GPR107: variants seen among roughly 807,000 people sequenced by gnomAD.
The protein encoded by GPR107 is protein GPR107.
A neutral mutation model predicts 75.5 loss-of-function variants in GPR107; 31 were observed. The ratio of observed to expected loss-of-function variants is 0.41; its 90% confidence interval spans 0.31 to 0.55. The LOEUF is 0.55. Ranked by LOEUF, GPR107 falls within the 20% of genes least tolerant of loss-of-function variation. The pLI is 0.26. For missense variants in GPR107, 572 were observed against 665.7 expected (o/e 0.86, Z 1.55); for synonymous variants, 267 against 251.3 (o/e 1.06, Z -0.59).
chr9:130,091,844 C>T (rs551669800), intron 8 of GPR107, among the ~76,000 whole-genome samples: 1 of 151,894 alleles, frequency 6.6e-6, no homozygotes, highest in Non-Finnish European at 1.5e-5. Flanking sequence ...TACAAGGGTG[C>T]GCCACCACAC....
chr9:130,056,586 A>T (rs1424092116), intron 1 of GPR107, among the ~76,000 whole-genome samples: 2 of 152,148 alleles, frequency 1.3e-5, no homozygotes, highest in Admixed American at 6.6e-5. Context: ...ACCATAGCTG[A>T]TAAGCTTTAA....
rs553020891 is a variant in GPR107 at position 130,068,635 on chromosome 9, G to C, written c.142-7001G>C. Among the ~76,000 whole-genome samples, 4 of 152,238 alleles carry C rather than the reference G, an allele frequency of 2.6e-5. No homozygotes were observed. In the South Asian group the frequency reaches 8.3e-4, roughly 32 times the overall value. On this transcript the variant is annotated intron_variant, in intron 1 of 17. Coordinates refer to ENST00000347136, the MANE Select transcript of GPR107 (RefSeq NM_020960.5). ...ATGACTGAAAGCAGTTTAATATGAA[G>C]TCGGTGCAGAAGTTCTGACATTTAG...
chr9:130,071,039 T>TTC (rs1554891205), intron 1 of GPR107, among the ~76,000 whole-genome samples: 13 of 139,876 alleles, frequency 9.3e-5, no homozygotes, highest in East Asian at 6.3e-4. Flanking sequence ...TTTTTTCTTT[T>TTC]TTTTTTTTTT....
At chr9:130,088,313 G>A (rs578049440) in intron 7 of GPR107, among the ~76,000 whole-genome samples, 1 of 152,342 alleles carries the variant, frequency 6.6e-6, no homozygotes, top group Admixed American at 6.5e-5. Context: ...AGGCAGGAAT[G>A]CTGTCTCTCA....
At position 130,112,949 on chromosome 9, in the gene GPR107, C is replaced by A. The variant is rs1194681152; in HGVS notation, c.1306+5410C>A. Among the ~76,000 whole-genome samples, 1 of 151,986 alleles carries A rather than the reference C, an allele frequency of 6.6e-6. No individual in the cohort carries two copies. The highest frequency in any genetic ancestry group is 1.5e-5 in the Non-Finnish European group (1 of 68,010). On this transcript the variant is annotated intron_variant, in intron 14 of 17. Transcript: ENST00000347136. The surrounding 1 kb of genome is among the most constrained non-coding windows in gnomAD (Gnocchi z 4.0). ...ATTTTTTGTAGAGATAGGATTTTGTCATATTGCCCAGGCTAGTCTCAAACT... is the reference window on the plus strand; with the variant it reads ...ATTTTTTGTAGAGATAGGATTTTGTAATATTGCCCAGGCTAGTCTCAAACT...
chr9:130,075,649 A>G lies in GPR107; in HGVS notation c.155A>G (p.His52Arg), dbSNP rs1830325392. The change falls in exon 2 of 18, where the codon CAT becomes CGT. Residue 52 changes from histidine (H) to arginine (R), a missense_variant. Physicochemically the swap from His to Arg is conservative, Grantham distance 29 (BLOSUM62 0). Coordinates refer to ENST00000347136, the MANE Select transcript of GPR107 (RefSeq NM_020960.5). Reference protein sequence around the residue: ...HHLALKDDVRHKVHLNTFGFF... With the variant: ...HHLALKDDVRRKVHLNTFGFF... ...AAATCTCTTTAGGATGATGTGAGGCATAAAGTTCATCTGAACACCTTTGGC... is the reference window on the plus strand; with the variant it reads ...AAATCTCTTTAGGATGATGTGAGGCGTAAAGTTCATCTGAACACCTTTGGC... The G allele has an allele frequency of 2.5e-6, 4 of 1,573,362 alleles. No individual in the cohort carries two copies. Among genetic ancestry groups the G allele is most frequent in the African/African-American group, 2.7e-5 (2 of 74,272 alleles).
At chr9:130,087,754 C>T (rs918532408) in intron 7 of GPR107, among the ~76,000 whole-genome samples, 8 of 147,594 alleles carry the variant, frequency 5.4e-5, no homozygotes, top group Admixed American at 2.1e-4. Context: ...CACAGTGAAC[C>T]TCGATCATGC....
intron 1 of GPR107, among the ~76,000 whole-genome samples, chr9:130,066,410 C>T (rs113976015): frequency 2.2e-3 from 5 of 2,316 alleles, no homozygotes; most frequent in East Asian, 0.14. Context: ...GTGATGATGA[C>T]GACGATGATG....
At chr9:130,090,499 A>T (rs1830706876) in intron 7 of GPR107, among the ~76,000 whole-genome samples, 1 of 152,092 alleles carries the variant, frequency 6.6e-6, no homozygotes, top group Admixed American at 6.6e-5. Flanking sequence ...CAAAGCCATC[A>T]CAAATGGCTA....
Position 130,086,371 on chromosome 9 carries a change from A to G in GPR107, c.565-49A>G, listed in dbSNP as rs1830615581. 7.0e-6 allele frequency: 5 copies of G among 711,496 alleles called. No individual in the cohort carries two copies. In the East Asian group the frequency reaches 8.3e-5, roughly 12 times the overall value. 44.1% of individuals were successfully genotyped at this position (711,496 alleles called of 1,614,324 possible). ...GTTTAATAAATTACTTTTAATTAGC[A>G]TGCTTCTATGCCGGTGTCATCCTAA... is the stretch of plus-strand genomic sequence containing the variant. On this transcript the variant is annotated intron_variant, in intron 6 of 17. Coordinates refer to ENST00000347136, the MANE Select transcript of GPR107 (RefSeq NM_020960.5).
intron 1 of GPR107, among the ~76,000 whole-genome samples, chr9:130,074,251 G>A (rs537129088): frequency 6.6e-6 from 1 of 152,074 alleles, no homozygotes; most frequent in East Asian, 1.9e-4. Flanking sequence ...TTCTGTGGGG[G>A]AGAGGAGGGG....
chr9:130,132,814 TA>T (rs1831859693), intron 17 of GPR107, among the ~76,000 whole-genome samples: 3 of 105,912 alleles, frequency 2.8e-5, no homozygotes, highest in Admixed American at 8.9e-5. Flanking sequence ...AAAATATATA[TA>T]TATTTTTATA....
chr9:130,114,600 G>A (rs986384047), intron 14 of GPR107: 1 of 518,976 alleles, frequency 1.9e-6, no homozygotes, highest in Non-Finnish European at 3.3e-6. Flanking sequence ...TGCCCAGGCT[G>A]ATCTTGAACT....
intron 14 of GPR107, among the ~76,000 whole-genome samples, chr9:130,118,948 C>T (rs766759787): frequency 1.6e-4 from 25 of 152,314 alleles, no homozygotes; most frequent in Non-Finnish European, 3.1e-4. Context: ...CCTTGTCTCT[C>T]TCCCCACACT....
At chr9:130,077,906 C>T (rs1026661503) in intron 4 of GPR107, among the ~76,000 whole-genome samples, 2 of 152,178 alleles carry the variant, frequency 1.3e-5, no homozygotes, top group African/African-American at 4.8e-5. Flanking sequence ...TGGCTCATGC[C>T]TGTAATCCCA....
At chr9:130,131,286 T>G (rs1185168376) in intron 17 of GPR107, among the ~76,000 whole-genome samples, 1 of 152,102 alleles carries the variant, frequency 6.6e-6, no homozygotes, top group Non-Finnish European at 1.5e-5. Flanking sequence ...CTAGCCAGGT[T>G]TCCTCACATC....
At chr9:130,089,713 C>A (rs1040119823) in intron 7 of GPR107, among the ~76,000 whole-genome samples, 2 of 151,972 alleles carry the variant, frequency 1.3e-5, no homozygotes, top group Admixed American at 1.3e-4. Context: ...AGAAGTTGTC[C>A]ATGTGTTTAG....
intron 1 of GPR107, among the ~76,000 whole-genome samples, chr9:130,073,176 T>C (rs980244784): frequency 1.1e-4 from 17 of 152,184 alleles, no homozygotes; most frequent in Non-Finnish European, 2.4e-4. Context: ...TCATATACGT[T>C]GTTTTATGTG....
At chr9:130,114,713 G>A (rs1831381952) in intron 14 of GPR107, 1 of 1,034,706 alleles carries the variant, frequency 9.7e-7, no homozygotes, top group South Asian at 2.8e-5. Context: ...CATATTTGTA[G>A]ATATAATCAT....
Sources: gnomAD v4.1 joint callset for allele counts (sites outside exome capture counted in the v4.1 genomes callset) on GRCh38, gnomAD v4.1.1 for gene constraint, Gnocchi (gnomAD v3.1) non-coding constraint, MANE v1.5 for transcripts, NCBI Gene and HGNC (gene_info 2026-07-23, HGNC 2026-07-21) for gene names.